Variants in P3H2 observed in about 807,000 individuals in gnomAD.
The protein encoded by P3H2 is prolyl 3-hydroxylase 2.
Under a neutral mutation model 87.0 loss-of-function variants are expected in P3H2, and 80 were observed. The ratio of observed to expected loss-of-function variants is 0.92; its 90% CI spans 0.77 to 1.11. P3H2 has a LOEUF of 1.11. P3H2 is among the 50% of genes least tolerant of loss of function. The probability of loss-of-function intolerance (pLI) is 0.00; values close to 1 mark genes in which losing one functional copy is unlikely to be tolerated. For synonymous variants in P3H2, 367 were observed against 359.3 expected, an observed-to-expected ratio of 1.02 and a Z score of -0.24; for missense variants, 1,001 against 923.9, an observed-to-expected ratio of 1.08 and a Z score of -1.08.
intron 1 of P3H2, among the ~76,000 whole-genome samples, chr3:190,104,648 T>C (rs1456344131): frequency 6.6e-6 from 1 of 152,130 alleles, no homozygotes; most frequent in Non-Finnish European, 1.5e-5. Context: ...ACTTAGTATA[T>C]CACGATATAT....
At chr3:190,100,384 G>C (rs1200367595) in intron 1 of P3H2, among the ~76,000 whole-genome samples, 2 of 151,774 alleles carry the variant, frequency 1.3e-5, no homozygotes, top group African/African-American at 4.8e-5. Flanking sequence ...TTTTGGTATT[G>C]AGGATAAGAT....
chr3:190,068,439 C>T (rs923796040), intron 1 of P3H2, among the ~76,000 whole-genome samples: 1 of 152,276 alleles, frequency 6.6e-6, no homozygotes, highest in Admixed American at 6.5e-5. Context: ...GCCCCCTGGA[C>T]ACACACATAT....
chr3:190,033,894 T>C (rs1354940640), intron 1 of P3H2, among the ~76,000 whole-genome samples: 1 of 152,216 alleles, frequency 6.6e-6, no homozygotes, highest in Non-Finnish European at 1.5e-5. Flanking sequence ...TTTTCAACAA[T>C]TTTGTTATTT....
chr3:189,980,370 C>T (rs1456542079), intron 8 of P3H2, among the ~76,000 whole-genome samples: 1 of 152,062 alleles, frequency 6.6e-6, no homozygotes, highest in African/African-American at 2.4e-5. Context: ...CGAGGCCAGC[C>T]TGGCCAATAT....
chr3:190,101,882 T>C (rs1711639414), intron 1 of P3H2, among the ~76,000 whole-genome samples: 1 of 152,210 alleles, frequency 6.6e-6, no homozygotes, highest in South Asian at 2.1e-4. Context: ...CTGGCTCTAT[T>C]GTTAGAGCTA....
chr3:190,032,585 A>C (rs1440969213), intron 1 of P3H2, among the ~76,000 whole-genome samples: 1 of 152,188 alleles, frequency 6.6e-6, no homozygotes, highest in Non-Finnish European at 1.5e-5. Flanking sequence ...TTGGACACAG[A>C]CTCAAAACCC....
In P3H2 at chr3:190,072,620, C is replaced by T. The variant is rs112301280; in HGVS notation, c.480+47632G>A. 6.3e-3 allele frequency among the ~76,000 whole-genome samples: 960 copies of T among 152,214 alleles called. 13 individuals are homozygous for T. The highest frequency in any genetic ancestry group is 0.022 in the African/African-American group (904 of 41,538). ...ATATTTATTAGTGCAAAACTGCACA[C>T]AAATAACTAAAAATCAGTATTTATT... On this transcript the variant is annotated intron_variant, in intron 1 of 14. Coordinates refer to ENST00000319332, the MANE Select transcript of P3H2 (RefSeq NM_018192.4).
At chr3:189,974,717 T>TACCTCTGTC in intron 8 of P3H2, 32 bp from the exon 9 acceptor site, 1 of 1,614,000 alleles carries the variant, frequency 6.2e-7, no homozygotes, top group South Asian at 1.1e-5. Context: ...TCTTCCCTGT[T>TACCTCTGTC]ACCTCTGTCC....
At chr3:190,012,797 C>A (rs895455018) in intron 1 of P3H2, among the ~76,000 whole-genome samples, 1 of 152,160 alleles carries the variant, frequency 6.6e-6, no homozygotes, top group African/African-American at 2.4e-5. Context: ...CAGTGGCTCT[C>A]TGGGGGCAGA....
chr3:189,980,809 C>T (rs1723509936), intron 8 of P3H2, among the ~76,000 whole-genome samples: 2 of 152,104 alleles, frequency 1.3e-5, no homozygotes, highest in South Asian at 4.1e-4. Context: ...TTTGATCACA[C>T]TTAAGTTTAT....
chr3:190,080,396 T>G (rs905528048), intron 1 of P3H2, among the ~76,000 whole-genome samples: 3 of 151,966 alleles, frequency 2.0e-5, no homozygotes, highest in Non-Finnish European at 4.4e-5. Flanking sequence ...GCTTTTTTCT[T>G]TTTCTTTTCC....
intron 1 of P3H2, among the ~76,000 whole-genome samples, chr3:190,036,369 C>T (rs1276194163): frequency 6.6e-6 from 1 of 152,080 alleles, no homozygotes; most frequent in Non-Finnish European, 1.5e-5. Context: ...TATTGAAAGC[C>T]CATCAAAAGG....
chr3:190,004,468 C>T lies in P3H2; in HGVS notation c.481-9026G>A, dbSNP rs565512431. Among the ~76,000 whole-genome samples the T allele has an allele frequency of 8.5e-5, 13 of 152,170 alleles. No individual in the cohort carries two copies. In the East Asian group the frequency reaches 1.9e-3, roughly 23 times the overall value. ...CGGGATCTCGGCTCACTGCAAGCTC[C>T]GCCTCCCGGGTTCACGCCATTCTCC... On this transcript the variant is annotated intron_variant, in intron 1 of 14. Transcript: ENST00000319332.
chr3:190,069,962 T>TTTTC (rs1726643702), intron 1 of P3H2, among the ~76,000 whole-genome samples: 1 of 151,516 alleles, frequency 6.6e-6, no homozygotes, highest in African/African-American at 2.4e-5. Flanking sequence ...TTTTTTTTTT[T>TTTTC]TTCTTCTTCT....
chr3:189,993,981 G>C (rs112957934), intron 3 of P3H2, 113 bp downstream of exon 3: 1 of 838,686 alleles, frequency 1.2e-6, no homozygotes. Flanking sequence ...AGACACATGA[G>C]AGTCTTTTAT....
chr3:190,027,868 G>A (rs1334734068), intron 1 of P3H2, among the ~76,000 whole-genome samples: 4 of 151,470 alleles, frequency 2.6e-5, no homozygotes, highest in East Asian at 3.9e-4. Context: ...CTGGCTTCAC[G>A]GAATACATTT....
At chr3:190,111,877 A>G (rs1234625483) in intron 1 of P3H2, among the ~76,000 whole-genome samples, 1 of 152,230 alleles carries the variant, frequency 6.6e-6, no homozygotes, top group Non-Finnish European at 1.5e-5. Flanking sequence ...TAAATAATTA[A>G]GCTGATCCAG....
At chr3:190,054,862 G>GC (rs1238420095) in intron 1 of P3H2, among the ~76,000 whole-genome samples, 2 of 151,934 alleles carry the variant, frequency 1.3e-5, no homozygotes, top group African/African-American at 4.8e-5. Flanking sequence ...AGAATTGTAT[G>GC]CCCCCCTCCA....
chr3:190,093,020 C>A (rs1253856889), intron 1 of P3H2, among the ~76,000 whole-genome samples: 1 of 152,148 alleles, frequency 6.6e-6, no homozygotes, highest in Non-Finnish European at 1.5e-5. Context: ...ATTCACCACC[C>A]AAAATTCCTC....
Sources: gnomAD v4.1 joint callset for allele counts (sites outside exome capture counted in the v4.1 genomes callset) on GRCh38, gnomAD v4.1.1 for gene constraint, MANE v1.5 for transcripts, NCBI Gene and HGNC (gene_info 2026-07-23, HGNC 2026-07-21) for gene names.